CEP44: variants seen among roughly 807,000 people sequenced by gnomAD.
The protein encoded by CEP44 is centrosomal protein 44.
In CEP44, 45 loss-of-function variants were observed where a neutral mutation model predicts 46.7. That is an observed-to-expected ratio of 0.96 (90% CI 0.76 to 1.24). The LOEUF (loss-of-function observed/expected upper bound fraction) is 1.24, where lower values mean the gene tolerates loss of function less well. CEP44 is among the 50% of genes most tolerant of loss of function. The probability of loss-of-function intolerance (pLI) is 0.00; values close to 1 mark genes in which losing one functional copy is unlikely to be tolerated. For missense variants in CEP44, 475 were observed against 459.7 expected (o/e 1.03, Z -0.30); for synonymous variants, 142 against 146.0 (o/e 0.97, Z 0.20).
chr4:174,331,147 C>A lies in CEP44; in HGVS notation c.1087-335C>A, dbSNP rs192578935. 6.6e-6 allele frequency among the ~76,000 whole-genome samples: 1 copy of A among 150,866 alleles called. No individual in the cohort carries two copies. The highest frequency in any genetic ancestry group is 1.5e-5 in the Non-Finnish European group (1 of 67,904). ...GGAGTATTTTCATTTTTAATTAGTA[C>A]GTAAATTAGATCTCATAATTATGTT... On this transcript the variant is annotated intron_variant, in intron 8 of 8. Coordinates refer to the CEP44 transcript ENST00000426172. The surrounding 1 kb of genome is among the most constrained non-coding windows in gnomAD (Gnocchi z 4.5).
intron 2 of CEP44, among the ~76,000 whole-genome samples, chr4:174,298,774 A>G (rs990532231): frequency 2.0e-5 from 3 of 151,942 alleles, no homozygotes; most frequent in Non-Finnish European, 4.4e-5. Context: ...ACGGTGCTTT[A>G]TGCTTAAAAA....
At chr4:174,284,730 G>A (rs1737370585) in intron 1 of CEP44, among the ~76,000 whole-genome samples, 2 of 152,072 alleles carry the variant, frequency 1.3e-5, no homozygotes, top group African/African-American at 4.8e-5. Flanking sequence ...TCGATGCTTT[G>A]CCTTTCTCAG....
rs1263813437 is a variant in CEP44 at position 174,329,785 on chromosome 4, A to G, written c.1087-1697A>G. 6.6e-5 allele frequency among the ~76,000 whole-genome samples: 10 copies of G among 152,144 alleles called. No individual in the cohort carries two copies. In the East Asian group the frequency reaches 1.7e-3, roughly 26 times the overall value. On this transcript the variant is annotated intron_variant, in intron 8 of 8. Coordinates refer to the CEP44 transcript ENST00000426172. This position sits in a 1 kb window ranked among gnomAD's most constrained non-coding sequence, Gnocchi z 4.0. The stretch of plus-strand genomic sequence containing the variant: ...TTCAGGCTATCATCATTCTTTCTCA[A>G]GATAGATTTATGGTAAAAATAGACT...
chr4:174,319,599 A>G lies in CEP44; in HGVS notation c.*2216A>G, dbSNP rs1183003949. On this transcript the variant is annotated 3_prime_UTR_variant, in exon 12 of 12. Transcript: ENST00000503780. Reference sequence around the variant, plus strand: ...TAAAACATTTCTAATCTCCTAGTTTATATACAGTGTGCAAAATATAAGTAA... The same window carrying G: ...TAAAACATTTCTAATCTCCTAGTTTGTATACAGTGTGCAAAATATAAGTAA... The G allele has an allele frequency of 1.4e-6, 1 of 699,184 alleles. No homozygotes were observed. The highest frequency in any genetic ancestry group is 1.8e-6 in the Non-Finnish European group (1 of 568,716). The allele number at this position is 699,184 out of a possible 1,614,324, so 43.3% of individuals were successfully genotyped here.
chr4:174,313,171 A>G (rs754805829), intron 9 of CEP44, among the ~76,000 whole-genome samples: 5 of 152,046 alleles, frequency 3.3e-5, no homozygotes, highest in Non-Finnish European at 5.9e-5. Flanking sequence ...TGTTTTGTCT[A>G]TGTTCGGACA....
chr4:174,301,968 T>C lies in CEP44; in HGVS notation c.90-71T>C, dbSNP rs1290886859. On this transcript the variant is annotated intron_variant, in intron 3 of 11. Transcript: ENST00000503780. This position sits in a 1 kb window ranked among gnomAD's most constrained non-coding sequence, Gnocchi z 4.3. ...ATTATAAACATTTCTAATATTTTCT[T>C]GATTATCCAACTTTGTGGAATTATG... is the stretch of plus-strand genomic sequence containing the variant. 9 of 1,331,512 alleles carry C rather than the reference T, an allele frequency of 6.8e-6. No individual in the cohort carries two copies. The highest frequency in any genetic ancestry group is 9.2e-6 in the Non-Finnish European group (9 of 973,526). 82.5% of individuals were successfully genotyped at this position (1,331,512 alleles called of 1,614,324 possible).
rs1731309853 is a variant in CEP44 at position 174,331,337 on chromosome 4, T to C, written c.1087-145T>C. On this transcript the variant is annotated intron_variant, in intron 8 of 8. Coordinates refer to the CEP44 transcript ENST00000426172. The surrounding 1 kb of genome is among the most constrained non-coding windows in gnomAD (Gnocchi z 4.5). ...GTCATTTCTCTTTGTTTGCTTGGTC[T>C]TCTTTAGGCATTATTTTCAGAGTAC... 1.3e-6 allele frequency: 1 copy of C among 745,424 alleles called. No individual in the cohort carries two copies. The highest frequency in any genetic ancestry group is 1.8e-5 in the African/African-American group (1 of 56,620). 46.2% of individuals were successfully genotyped at this position (745,424 alleles called of 1,614,324 possible).
chr4:174,298,948 C>G (rs560523931), intron 2 of CEP44, 124 bp from the exon 3 acceptor site: 1 of 542,222 alleles, frequency 1.8e-6, no homozygotes, highest in African/African-American at 1.9e-5. Flanking sequence ...AGAAGAAGCT[C>G]GGGGAAAAAG....
exon 9 of CEP44, chr4:174,333,269 A>G (rs545941613): frequency 1.3e-5 from 2 of 148,794 alleles, no homozygotes; most frequent in African/African-American, 5.0e-5. Context: ...GTGGTCTGGC[A>G]AAGGCCCAAT....
chr4:174,298,878 A>G (rs1468594171), intron 2 of CEP44, among the ~76,000 whole-genome samples, 194 bp from the exon 3 acceptor site: 1 of 152,196 alleles, frequency 6.6e-6, no homozygotes, highest in African/African-American at 2.4e-5. Flanking sequence ...GTAGGAGGGT[A>G]GGGGAGACAC....
rs925530703 is a variant in CEP44 at position 174,286,371 on chromosome 4, A to C, written c.-148+2428A>C. ...TGGGTAATGCGAATTGGAGGAAAAG[A>C]TCACACTAACCCAGCTTCACCTGAT... On this transcript the variant is annotated intron_variant, in intron 1 of 11. Coordinates refer to ENST00000503780, the MANE Select transcript of CEP44 (RefSeq NM_001040157.3). The surrounding 1 kb of genome is among the most constrained non-coding windows in gnomAD (Gnocchi z 5.2). 6.6e-6 allele frequency among the ~76,000 whole-genome samples: 1 copy of C among 152,214 alleles called. No homozygotes were observed. The highest frequency in any genetic ancestry group is 1.5e-5 in the Non-Finnish European group (1 of 68,042).
chr4:174,295,446 C>T lies in CEP44; in HGVS notation c.-147-2520C>T, dbSNP rs565315320. Among the ~76,000 whole-genome samples the T allele has an allele frequency of 3.2e-3, 480 of 151,374 alleles. 3 individuals are homozygous for T. Among genetic ancestry groups the T allele is most frequent in the African/African-American group, 0.011 (449 of 41,170 alleles). On this transcript the variant is annotated intron_variant, in intron 1 of 11. Transcript: ENST00000503780. ...AGATGGGATGGTGGCCAGGAAGAGG[C>T]GCTCCTCACTTCCTAGATGGGATGG... is the stretch of plus-strand genomic sequence containing the variant.
Position 174,299,212 on chromosome 4 carries a change from TA to T in CEP44, c.89+4del. Reference sequence around the variant, plus strand: ...TCCTGAAGAGGTGGACTGTGTAGGGTAAGCTATAATATCAAACTTAATTGTA... The same window carrying T: ...TCCTGAAGAGGTGGACTGTGTAGGGTAGCTATAATATCAAACTTAATTGTA... On this transcript the variant is annotated splice_donor_region_variant and intron_variant, in intron 3 of 11. Coordinates refer to ENST00000503780, the MANE Select transcript of CEP44 (RefSeq NM_001040157.3). The T allele has an allele frequency of 6.2e-7, 1 of 1,600,986 alleles. No individual in the cohort carries two copies. Among genetic ancestry groups the T allele is most frequent in the Non-Finnish European group, 8.5e-7 (1 of 1,171,676 alleles).
At chr4:174,285,120 CTTT>C (rs959073825) in intron 1 of CEP44, among the ~76,000 whole-genome samples, 2 of 152,168 alleles carry the variant, frequency 1.3e-5, no homozygotes, top group Non-Finnish European at 2.9e-5. Flanking sequence ...TTGAGAGCTT[CTTT>C]ATTATTGAAT....
In CEP44 at chr4:174,331,647, T is replaced by C; in HGVS notation, c.*52T>C. 6.6e-7 allele frequency: 1 copy of C among 1,524,122 alleles called. No homozygotes were observed. Among genetic ancestry groups the C allele is most frequent in the African/African-American group, 1.4e-5 (1 of 72,680 alleles). The allele number at this position is 1,524,122 out of a possible 1,614,324, so 94.4% of individuals were successfully genotyped here. A position where few individuals can be genotyped will look rare whatever the true frequency, so the allele number is the denominator to read the frequency against. On this transcript the variant is annotated 3_prime_UTR_variant, in exon 9 of 9. Transcript: ENST00000426172. This position sits in a 1 kb window ranked among gnomAD's most constrained non-coding sequence, Gnocchi z 4.5. ...CCTTTTCCTGCTGTACTCTGATGTT[T>C]CAGTGAAGCTCATCCACGAAGTCCA...
At position 174,290,299 on chromosome 4, in the gene CEP44, C is replaced by G. The variant is rs919836235; in HGVS notation, c.-148+6356C>G. 6.6e-6 allele frequency among the ~76,000 whole-genome samples: 1 copy of G among 151,592 alleles called. No homozygotes were observed. Among genetic ancestry groups the G allele is most frequent in the Non-Finnish European group, 1.5e-5 (1 of 67,882 alleles). On this transcript the variant is annotated intron_variant, in intron 1 of 11. Transcript: ENST00000503780. This position sits in a 1 kb window ranked among gnomAD's most constrained non-coding sequence, Gnocchi z 4.3. ...TTCTGTTTTGATTTATTCTTTGACC[C>G]AGTATTATTTAATAGTATGTTATTT...
At position 174,286,826 on chromosome 4, in the gene CEP44, C is replaced by G. The variant is rs1254952369; in HGVS notation, c.-148+2883C>G. Among the ~76,000 whole-genome samples the G allele has an allele frequency of 2.0e-5, 3 of 152,138 alleles. No homozygotes were observed. The highest frequency in any genetic ancestry group is 4.4e-5 in the Non-Finnish European group (3 of 68,008). Reference sequence around the variant, plus strand: ...CAGTTCGTTCAAATCTTTTGGTTCACGTATGTGTTTTTCTGTTGTGTACAT... The same window carrying G: ...CAGTTCGTTCAAATCTTTTGGTTCAGGTATGTGTTTTTCTGTTGTGTACAT... On this transcript the variant is annotated intron_variant, in intron 1 of 11. Transcript: ENST00000503780. The surrounding 1 kb of genome is among the most constrained non-coding windows in gnomAD (Gnocchi z 5.2).
chr4:174,293,255 G>C (rs1302891333), intron 1 of CEP44, among the ~76,000 whole-genome samples: 1 of 152,196 alleles, frequency 6.6e-6, no homozygotes, highest in Non-Finnish European at 1.5e-5. Context: ...GCTGCTGCTG[G>C]GTCTGGAGCC....
At chr4:174,300,033 A>G (rs1256914787) in intron 3 of CEP44, among the ~76,000 whole-genome samples, 1 of 152,180 alleles carries the variant, frequency 6.6e-6, no homozygotes, top group Non-Finnish European at 1.5e-5. Flanking sequence ...ATCTAGAATT[A>G]TGCATGGCAC....
Sources: gnomAD v4.1 joint callset for allele counts (sites outside exome capture counted in the v4.1 genomes callset) on GRCh38, gnomAD v4.1.1 for gene constraint, Gnocchi (gnomAD v3.1) non-coding constraint, MANE v1.5 for transcripts, NCBI Gene and HGNC (gene_info 2026-07-23, HGNC 2026-07-21) for gene names.